Variants in PARM1 observed in about 807,000 individuals in gnomAD.
The protein encoded by PARM1 is WSC4, cell wall integrity and stress response component 4 homolog.
In PARM1, 14 loss-of-function variants were observed where a neutral mutation model predicts 24.6. That is an observed-to-expected ratio of 0.57 (90% confidence interval 0.38 to 0.89). PARM1 has a LOEUF of 0.89. PARM1 is among the 40% of genes least tolerant of loss of function. PARM1 has a pLI of 0.00. For missense variants in PARM1, 362 were observed against 380.4 expected (o/e 0.95, Z 0.40); for synonymous variants, 179 against 156.6 (o/e 1.14, Z -1.07).
intron 1 of PARM1, among the ~76,000 whole-genome samples, chr4:74,949,657 C>G (rs1721486936): frequency 6.6e-6 from 1 of 152,080 alleles, no homozygotes; most frequent in Non-Finnish European, 1.5e-5. Context: ...ACTGTTTAAC[C>G]TTTGAAATGT....
At chr4:74,956,655 T>G (rs1056644237) in intron 1 of PARM1, 1 of 152,190 alleles carries the variant, frequency 6.6e-6, no homozygotes, top group Non-Finnish European at 1.5e-5. Flanking sequence ...TGAGAGAGAT[T>G]TAGCACAAGA....
At chr4:74,998,354 T>A (rs1722614031) in intron 1 of PARM1, among the ~76,000 whole-genome samples, 1 of 149,080 alleles carries the variant, frequency 6.7e-6, no homozygotes, top group Non-Finnish European at 1.5e-5. Context: ...ATGTGTTAGG[T>A]AACAAAAGCA....
intron 2 of PARM1, among the ~76,000 whole-genome samples, chr4:75,032,487 T>C (rs1419761110): frequency 1.3e-5 from 2 of 152,138 alleles, no homozygotes; most frequent in African/African-American, 2.4e-5. Flanking sequence ...AAAGAAGAGA[T>C]ACTAAAATAA....
At chr4:75,008,194 T>TA (rs1301949702) in intron 1 of PARM1, among the ~76,000 whole-genome samples, 3 of 152,226 alleles carry the variant, frequency 2.0e-5, no homozygotes, top group Non-Finnish European at 4.4e-5. Flanking sequence ...CAAATGAAGA[T>TA]AACCAACATT....
intron 1 of PARM1, 26 bp downstream of exon 1, chr4:74,933,396 G>T: frequency 2.5e-6 from 4 of 1,609,814 alleles, no homozygotes; most frequent in Non-Finnish European, 3.4e-6. Context: ...CTCCCGGAAG[G>T]GCAGGTCGCG....
At chr4:74,957,059 T>G (rs770323912) in intron 1 of PARM1, 1 of 152,228 alleles carries the variant, frequency 6.6e-6, no homozygotes, top group Non-Finnish European at 1.5e-5. Flanking sequence ...GCTTTTGAAT[T>G]ACATCTCTGC....
chr4:75,033,822 A>G (rs1723316826), intron 2 of PARM1, 61 bp from the exon 3 acceptor site: 2 of 1,407,072 alleles, frequency 1.4e-6, no homozygotes, highest in African/African-American at 1.4e-5. Flanking sequence ...ACGCACGCCA[A>G]AGTCACATGA....
chr4:74,986,518 A>G (rs914206566), intron 1 of PARM1, among the ~76,000 whole-genome samples: 54 of 152,336 alleles, frequency 3.5e-4, no homozygotes, highest in African/African-American at 1.3e-3. Flanking sequence ...GTATAGAAAC[A>G]GGTGCAGAGA....
At chr4:74,968,554 A>G (rs1202782021) in intron 1 of PARM1, among the ~76,000 whole-genome samples, 3 of 152,190 alleles carry the variant, frequency 2.0e-5, no homozygotes, top group African/African-American at 7.2e-5. Context: ...AGAGGAAGGG[A>G]AAATAATTCT....
At chr4:74,963,201 A>T (rs113388869) in intron 1 of PARM1, among the ~76,000 whole-genome samples, 10,891 of 152,274 alleles carry the variant, frequency 0.072, 465 homozygotes, top group Non-Finnish European at 0.094. Context: ...CCAGTCTCAG[A>T]TATTTCTTCA....
intron 2 of PARM1, among the ~76,000 whole-genome samples, chr4:75,022,119 C>T (rs1298005850): frequency 6.6e-6 from 1 of 152,184 alleles, no homozygotes; most frequent in Admixed American, 6.5e-5. Context: ...TCACCAGTGT[C>T]TATCTTCAAC....
At chr4:74,958,154 G>C (rs1721683745) in intron 1 of PARM1, among the ~76,000 whole-genome samples, 1 of 152,184 alleles carries the variant, frequency 6.6e-6, no homozygotes, top group African/African-American at 2.4e-5. Flanking sequence ...CGTGTTCCAA[G>C]AATAATGGAA....
At chr4:75,037,756 G>A (rs1282980590) in intron 3 of PARM1, among the ~76,000 whole-genome samples, 1 of 152,108 alleles carries the variant, frequency 6.6e-6, no homozygotes, top group Non-Finnish European at 1.5e-5. Context: ...TATTTAGGCG[G>A]CCTTGGGCAA....
chr4:74,948,823 C>T (rs999242403), intron 1 of PARM1, among the ~76,000 whole-genome samples: 2 of 152,064 alleles, frequency 1.3e-5, no homozygotes, highest in Admixed American at 6.6e-5. Flanking sequence ...AAGTTCGAGA[C>T]CAGCCTGGCC....
intron 1 of PARM1, among the ~76,000 whole-genome samples, chr4:74,994,912 T>C (rs1722548945): frequency 6.6e-6 from 1 of 152,042 alleles, no homozygotes; most frequent in Non-Finnish European, 1.5e-5. Context: ...ACTTCAAAAC[T>C]GGGAAGATGA....
rs758366670 is a variant in PARM1 at position 75,012,634 on chromosome 4, T to G, written c.253T>G (p.Ser85Ala). 2 of 1,613,602 alleles carry G rather than the reference T, an allele frequency of 1.2e-6. No individual in the cohort carries two copies. Among genetic ancestry groups the G allele is most frequent in the South Asian group, 1.1e-5 (1 of 91,050 alleles). ...SLLPKNISIE[S>A]REEEITSPGS... ...GCTTCCTAAGAACATTTCCATAGAGTCCAGAGAAGAGGAGATCACCAGCCC... is the reference window on the plus strand; with the variant it reads ...GCTTCCTAAGAACATTTCCATAGAGGCCAGAGAAGAGGAGATCACCAGCCC... Residue 85 changes from serine (S) to alanine (A), a missense_variant, in exon 2 of 4, where the codon TCC becomes GCC. Physicochemically the swap from Ser to Ala is moderately conservative, Grantham distance 99 (BLOSUM62 1). Transcript: ENST00000307428.
chr4:74,972,380 T>C (rs1195795519), intron 1 of PARM1, among the ~76,000 whole-genome samples: 4 of 152,272 alleles, frequency 2.6e-5, no homozygotes, highest in Non-Finnish European at 1.5e-5. Flanking sequence ...AACCGCTTTC[T>C]GTTTCTTTCA....
chr4:74,940,005 G>A (rs1442290938), intron 1 of PARM1, among the ~76,000 whole-genome samples: 1 of 152,156 alleles, frequency 6.6e-6, no homozygotes, highest in Non-Finnish European at 1.5e-5. Flanking sequence ...TGTTAAACAT[G>A]AAAGGAATTA....
intron 2 of PARM1, among the ~76,000 whole-genome samples, chr4:75,032,727 A>G (rs2109808472): frequency 6.6e-6 from 1 of 152,336 alleles, no homozygotes; most frequent in South Asian, 2.1e-4. Context: ...TAAATAGTTC[A>G]TGGTCACACA....
Sources: gnomAD v4.1 joint callset for allele counts (sites outside exome capture counted in the v4.1 genomes callset) on GRCh38, gnomAD v4.1.1 for gene constraint, MANE v1.5 for transcripts, NCBI Gene and HGNC (gene_info 2026-07-23, HGNC 2026-07-21) for gene names.